The following AATF variants were observed in gnomAD, a reference collection of about 807,000 sequenced individuals.
The protein encoded by AATF is apoptosis antagonizing transcription factor, also known as protein AATF.
AATF carries 48 observed loss-of-function variants against 63.7 expected under a neutral mutation model. The observed-to-expected ratio is 0.75, with a 90% CI of 0.60 to 0.96. The LOEUF (loss-of-function observed/expected upper bound fraction) is 0.96. AATF is among the 40% of genes least tolerant of loss of function. The pLI is 0.00. For synonymous variants in AATF, 258 were observed against 247.7 expected, an observed-to-expected ratio of 1.04 and a Z score of -0.39; for missense variants, 639 against 685.7, an observed-to-expected ratio of 0.93 and a Z score of 0.76.
chr17:36,952,693 C>G (rs545322455), intron 2 of AATF, among the ~76,000 whole-genome samples, 193 bp from the exon 3 acceptor site: 4 of 152,106 alleles, frequency 2.6e-5, no homozygotes, highest in African/African-American at 7.2e-5. Context: ...GGGTAGGACC[C>G]GTGTTCTATT....
chr17:37,053,784 T>A (rs1021977011), intron 11 of AATF, among the ~76,000 whole-genome samples: 6 of 152,156 alleles, frequency 3.9e-5, no homozygotes, highest in African/African-American at 9.7e-5. Context: ...GAGAATCGAT[T>A]GAACCCGGGA....
intron 4 of AATF, among the ~76,000 whole-genome samples, chr17:36,982,982 C>T (rs774378934): frequency 2.6e-4 from 39 of 151,830 alleles, no homozygotes; most frequent in Non-Finnish European, 4.9e-4. Context: ...TTCACTTAGC[C>T]TAATTATTTT....
chr17:37,011,408 T>G (rs1196741004), intron 8 of AATF, among the ~76,000 whole-genome samples: 1 of 151,872 alleles, frequency 6.6e-6, no homozygotes, highest in Non-Finnish European at 1.5e-5. Flanking sequence ...TGAATGAAGA[T>G]GATAGTAGCC....
intron 8 of AATF, among the ~76,000 whole-genome samples, chr17:37,009,969 T>A (rs373537085): frequency 5.3e-5 from 8 of 151,062 alleles, no homozygotes; most frequent in African/African-American, 9.8e-5. Context: ...AAAATGGCAA[T>A]GACAAAGATA....
chr17:37,056,834 C>T lies in AATF; in HGVS notation c.*170C>T. The T allele has an allele frequency of 3.2e-6, 2 of 625,232 alleles. No individual in the cohort carries two copies. The highest frequency in any genetic ancestry group is 2.8e-6 in the Non-Finnish European group (1 of 362,278). 38.7% of individuals were successfully genotyped at this position (625,232 alleles called of 1,614,324 possible). On this transcript the variant is annotated 3_prime_UTR_variant, in exon 12 of 12. Coordinates refer to ENST00000619387, the MANE Select transcript of AATF (RefSeq NM_012138.4). Reference sequence around the variant, plus strand: ...AAGGGCGCTGTCCCGCCCAACCCCGCCTTTAAACGCCACAAATAAAGAGCA... The same window carrying T: ...AAGGGCGCTGTCCCGCCCAACCCCGTCTTTAAACGCCACAAATAAAGAGCA...
intron 9 of AATF, among the ~76,000 whole-genome samples, chr17:37,020,353 C>T (rs1306918406): frequency 6.6e-6 from 1 of 151,754 alleles, no homozygotes; most frequent in East Asian, 1.9e-4. Flanking sequence ...GAGTCCTTAT[C>T]GCTTCTCTTG....
At chr17:36,990,911 C>T in intron 8 of AATF, 54 bp downstream of exon 8, 2 of 1,310,000 alleles carry the variant, frequency 1.5e-6, no homozygotes. Context: ...TTTAAAGCAG[C>T]TTATAGAATT....
intron 5 of AATF, 73 bp from the exon 6 acceptor site, chr17:36,988,430 AATATTCTCAGTCCTTT>A: frequency 7.7e-7 from 1 of 1,306,330 alleles, no homozygotes; most frequent in Admixed American, 2.2e-5. Flanking sequence ...GTAAGGCCTA[AATATTCTCAGTCCTTT>A]ATGTGAGCCT....
chr17:36,990,908 C>A, intron 8 of AATF, 51 bp downstream of exon 8: 1 of 1,338,426 alleles, frequency 7.5e-7, no homozygotes, highest in Non-Finnish European at 1.0e-6. Context: ...CATTTTAAAG[C>A]AGCTTATAGA....
At chr17:37,006,967 G>A (rs2071346090) in intron 8 of AATF, among the ~76,000 whole-genome samples, 1 of 152,226 alleles carries the variant, frequency 6.6e-6, no homozygotes. Flanking sequence ...GACTTTTTCA[G>A]TGGTAGCCTC....
chr17:36,957,336 G>C (rs1349361768), intron 4 of AATF, among the ~76,000 whole-genome samples: 3 of 152,186 alleles, frequency 2.0e-5, no homozygotes, highest in Non-Finnish European at 4.4e-5. Flanking sequence ...ATGAATGTTA[G>C]GTACTAATAT....
At chr17:37,027,110 T>C (rs2071516564) in intron 10 of AATF, among the ~76,000 whole-genome samples, 1 of 152,198 alleles carries the variant, frequency 6.6e-6, no homozygotes, top group Non-Finnish European at 1.5e-5. Flanking sequence ...ACTTGCTAAT[T>C]GGATGCTAGA....
intron 8 of AATF, among the ~76,000 whole-genome samples, chr17:37,018,133 TTC>T (rs763390032): frequency 6.6e-6 from 1 of 152,360 alleles, no homozygotes; most frequent in South Asian, 2.1e-4. Flanking sequence ...GCACTTATAG[TTC>T]TATTATCGTA....
chr17:36,954,958 T>C (rs2070887439), intron 4 of AATF, among the ~76,000 whole-genome samples: 1 of 152,116 alleles, frequency 6.6e-6, no homozygotes, highest in Admixed American at 6.5e-5. Flanking sequence ...AAGAGATATC[T>C]ATATCCATAG....
intron 4 of AATF, among the ~76,000 whole-genome samples, chr17:36,955,874 C>T (rs940941584): frequency 1.3e-5 from 2 of 152,044 alleles, no homozygotes; most frequent in Admixed American, 6.5e-5. Flanking sequence ...GTGATCTTCC[C>T]GCCTCAGCCT....
intron 4 of AATF, among the ~76,000 whole-genome samples, chr17:36,964,475 C>T (rs2070975109): frequency 5.3e-5 from 8 of 152,080 alleles, no homozygotes; most frequent in Admixed American, 3.9e-4. Context: ...CCACCGCACT[C>T]CAGCCTGGGT....
At chr17:36,962,802 G>A (rs8069751) in intron 4 of AATF, among the ~76,000 whole-genome samples, 5,767 of 152,102 alleles carry the variant, frequency 0.038, 368 homozygotes, top group African/African-American at 0.13. Flanking sequence ...TAACTCAAAC[G>A]TAACTATATG....
chr17:36,974,291 A>T (rs1180500447), intron 4 of AATF, among the ~76,000 whole-genome samples: 1 of 152,176 alleles, frequency 6.6e-6, no homozygotes, highest in Non-Finnish European at 1.5e-5. Context: ...AGAAATTATG[A>T]ATATTTTTCC....
At chr17:36,990,346 ACT>A (rs2071204053) in intron 7 of AATF, among the ~76,000 whole-genome samples, 6 of 152,226 alleles carry the variant, frequency 3.9e-5, no homozygotes, top group Non-Finnish European at 8.8e-5. Flanking sequence ...TTTCAGAAAC[ACT>A]GCTACAGGAA....
Sources: allele counts gnomAD v4.1 joint callset (sites outside exome capture counted in the v4.1 genomes callset), GRCh38; gene constraint gnomAD v4.1.1; transcripts MANE v1.5; gene names NCBI Gene and HGNC (gene_info 2026-07-23, HGNC 2026-07-21).